The following FBXO45 variants were observed in gnomAD, a reference collection of about 807,000 sequenced individuals.
The protein encoded by FBXO45 is F-box/SPRY domain-containing protein 1.
In FBXO45, 3 loss-of-function variants were observed where a neutral mutation model predicts 25.5. The observed-to-expected ratio is 0.12, with a 90% CI of 0.05 to 0.30. FBXO45 has a LOEUF of 0.30. Among genes scored for constraint, FBXO45 ranks in the 10% least tolerant of loss-of-function variants. The pLI is 1.00. For synonymous variants in FBXO45, 155 were observed against 149.8 expected (o/e 1.03, Z -0.25); for missense variants, 219 against 365.0 (o/e 0.60, Z 3.26).
At position 196,588,598 on chromosome 3, in the gene FBXO45, G is replaced by A. The variant is rs1736179739; in HGVS notation, c.*4280G>A. The A allele has an allele frequency of 1.3e-5, 2 of 152,232 alleles. No homozygotes were observed. The highest frequency in any genetic ancestry group is 1.9e-4 in the East Asian group (1 of 5,192). The allele number at this position is 152,232 out of a possible 1,614,324, so 9.4% of individuals were successfully genotyped here. ...TATATATCTATAGTTGACTCATGCTGTATTTATTTATACCTTGTTTAAAAT... is the reference window on the plus strand; with the variant it reads ...TATATATCTATAGTTGACTCATGCTATATTTATTTATACCTTGTTTAAAAT... On this transcript the variant is annotated 3_prime_UTR_variant, in exon 3 of 3. Coordinates refer to ENST00000311630, the MANE Select transcript of FBXO45 (RefSeq NM_001105573.2). The surrounding 1 kb of genome is among the most constrained non-coding windows in gnomAD (Gnocchi z 4.2).
intron 2 of FBXO45, among the ~76,000 whole-genome samples, chr3:196,578,689 C>G (rs752250428): frequency 3.3e-5 from 5 of 152,154 alleles, no homozygotes; most frequent in Non-Finnish European, 5.9e-5. Flanking sequence ...CCAGTTCATG[C>G]TCTATATCAA....
At chr3:196,573,330 A>G (rs1345209071) in intron 1 of FBXO45, among the ~76,000 whole-genome samples, 1 of 152,198 alleles carries the variant, frequency 6.6e-6, no homozygotes, top group Non-Finnish European at 1.5e-5. Flanking sequence ...TTATAAAGCT[A>G]TATTATGGGA....
At chr3:196,574,116 G>A (rs1292437141) in intron 1 of FBXO45, among the ~76,000 whole-genome samples, 4 of 151,988 alleles carry the variant, frequency 2.6e-5, no homozygotes, top group African/African-American at 9.7e-5. Context: ...TGTATTTTTA[G>A]TAGAGACAGG....
At chr3:196,575,185 G>A (rs189830884) in intron 1 of FBXO45, among the ~76,000 whole-genome samples, 12 of 152,330 alleles carry the variant, frequency 7.9e-5, no homozygotes, top group African/African-American at 1.9e-4. Context: ...GCCGGGCGTG[G>A]TGGCTCACGC....
intron 1 of FBXO45, among the ~76,000 whole-genome samples, chr3:196,575,673 C>T (rs1735900400): frequency 6.8e-6 from 1 of 147,902 alleles, no homozygotes; most frequent in African/African-American, 2.6e-5. Context: ...CCTTTCTTTT[C>T]TTTGTTTCTT....
chr3:196,568,770 AGGACGCCCCTGCAGCC>A lies in FBXO45; in HGVS notation c.-212_-197del, dbSNP rs573191757. 2 of 172,070 alleles carry A rather than the reference AGGACGCCCCTGCAGCC, an allele frequency of 1.2e-5. No individual in the cohort carries two copies. The highest frequency in any genetic ancestry group is 4.8e-5 in the African/African-American group (2 of 41,850). The allele number at this position is 172,070 out of a possible 1,614,324, so 10.7% of individuals were successfully genotyped here. On this transcript the variant is annotated 5_prime_UTR_variant, in exon 1 of 3. Coordinates refer to ENST00000311630, the MANE Select transcript of FBXO45 (RefSeq NM_001105573.2). Reference sequence around the variant, plus strand: ...GCGCTGAGCCGCGGAGGAGGGGCGGAGGACGCCCCTGCAGCCGGTGCGTCTGCCCTCAGTGAGGCGG... The same window carrying A: ...GCGCTGAGCCGCGGAGGAGGGGCGGAGGTGCGTCTGCCCTCAGTGAGGCGG...
chr3:196,580,838 A>G (rs1363721339), intron 2 of FBXO45, among the ~76,000 whole-genome samples: 1 of 147,644 alleles, frequency 6.8e-6, no homozygotes, highest in Non-Finnish European at 1.5e-5. Flanking sequence ...GCAGTGGTGC[A>G]GTGGCGTGAT....
chr3:196,582,031 G>A (rs1736019468), intron 2 of FBXO45, among the ~76,000 whole-genome samples: 1 of 152,080 alleles, frequency 6.6e-6, no homozygotes, highest in South Asian at 2.1e-4. Context: ...CAGATTTTGG[G>A]GTTCATCCTT....
At position 196,585,688 on chromosome 3, in the gene FBXO45, C is replaced by T. The variant is rs1736092979; in HGVS notation, c.*1370C>T. 1 of 152,200 alleles carries T rather than the reference C, an allele frequency of 6.6e-6. No individual in the cohort carries two copies. Among genetic ancestry groups the T allele is most frequent in the Admixed American group, 6.5e-5 (1 of 15,280 alleles). The allele number at this position is 152,200 out of a possible 1,614,324, so 9.4% of individuals were successfully genotyped here. ...ATGCTTTTGAATTAATAATCCAACC[C>T]ACATGAGCTGAGAGTTTTTCTTTTG... is the stretch of plus-strand genomic sequence containing the variant. On this transcript the variant is annotated 3_prime_UTR_variant, in exon 3 of 3. Transcript: ENST00000311630.
chr3:196,583,039 CT>C (rs1157645877), intron 2 of FBXO45, among the ~76,000 whole-genome samples: 2 of 152,258 alleles, frequency 1.3e-5, no homozygotes, highest in South Asian at 2.1e-4. Context: ...CTCCCCACCC[CT>C]GGTAAACTCT....
At position 196,577,586 on chromosome 3, in the gene FBXO45, G is replaced by T; in HGVS notation, c.452G>T (p.Ser151Ile). 6.2e-7 allele frequency: 1 copy of T among 1,614,018 alleles called. No homozygotes were observed. The highest frequency in any genetic ancestry group is 1.1e-5 in the South Asian group (1 of 91,080). ...GGTGCAAGGACCAAGATTGGTTTCA[G>T]TGAGGGCCGCCATGCATGGGAAGTG... ...TDGARTKIGF[S>I]EGRHAWEVWW... Residue 151 changes from serine to isoleucine, a missense_variant, in exon 2 of 3, where the codon AGT (serine) becomes ATT (isoleucine). Transcript: ENST00000311630.
intron 1 of FBXO45, among the ~76,000 whole-genome samples, chr3:196,572,014 TAGA>T (rs1033561478): frequency 6.8e-4 from 103 of 152,218 alleles, no homozygotes; most frequent in Admixed American, 6.7e-3. Context: ...AAAAGTATAC[TAGA>T]AGTTCAGTGA....
chr3:196,584,852 A>G lies in FBXO45; in HGVS notation c.*534A>G, dbSNP rs1291228353. On this transcript the variant is annotated 3_prime_UTR_variant, in exon 3 of 3. Transcript: ENST00000311630. This position sits in a 1 kb window ranked among gnomAD's most constrained non-coding sequence, Gnocchi z 4.3. ...GATATAAAATTGTGCAGCTATTTTA[A>G]AAGTTGTATATAATATGTGTGTAAA... 6.6e-6 allele frequency: 1 copy of G among 151,118 alleles called. No homozygotes were observed. The highest frequency in any genetic ancestry group is 1.5e-5 in the Non-Finnish European group (1 of 67,954). The allele number at this position is 151,118 out of a possible 1,614,324, so 9.4% of individuals were successfully genotyped here.
chr3:196,579,716 T>C (rs891449607), intron 2 of FBXO45, among the ~76,000 whole-genome samples: 1 of 152,246 alleles, frequency 6.6e-6, no homozygotes, highest in Non-Finnish European at 1.5e-5. Flanking sequence ...CCTTCTATTA[T>C]TTACTAAGAG....
rs1736067727 is a variant in FBXO45 at position 196,584,436 on chromosome 3, C to T, written c.*118C>T. 5.7e-6 allele frequency: 5 copies of T among 882,050 alleles called. No homozygotes were observed. Among genetic ancestry groups the T allele is most frequent in the East Asian group, 5.9e-5 (2 of 34,058 alleles). 54.6% of individuals were successfully genotyped at this position (882,050 alleles called of 1,614,324 possible). ...GAAACATCCTGAAAACACATGAAGT[C>T]GTAAACTGGAGAAGCAGCTCTACAG... On this transcript the variant is annotated 3_prime_UTR_variant, in exon 3 of 3. Transcript: ENST00000311630. The surrounding 1 kb of genome is among the most constrained non-coding windows in gnomAD (Gnocchi z 4.3).
chr3:196,579,675 G>A (rs1474067529), intron 2 of FBXO45, among the ~76,000 whole-genome samples: 2 of 152,150 alleles, frequency 1.3e-5, no homozygotes, highest in East Asian at 3.9e-4. Flanking sequence ...TAATGTTCAA[G>A]TCTTACATAG....
chr3:196,578,192 A>G (rs1431052023), intron 2 of FBXO45, among the ~76,000 whole-genome samples: 2 of 151,748 alleles, frequency 1.3e-5, no homozygotes, highest in African/African-American at 4.8e-5. Flanking sequence ...GCCCACCACC[A>G]TGCCTGGCTA....
chr3:196,571,754 AT>A (rs1735830064), intron 1 of FBXO45, among the ~76,000 whole-genome samples: 1 of 152,152 alleles, frequency 6.6e-6, no homozygotes, highest in Admixed American at 6.5e-5. Context: ...TTCCAGAGAT[AT>A]TTTAGGTTTC....
chr3:196,580,404 G>A (rs1735988697), intron 2 of FBXO45, among the ~76,000 whole-genome samples: 1 of 152,026 alleles, frequency 6.6e-6, no homozygotes, highest in East Asian at 1.9e-4. Context: ...TAGAGACGGG[G>A]TTTCACCACG....
Sources: gnomAD v4.1 joint callset for allele counts (sites outside exome capture counted in the v4.1 genomes callset) on GRCh38, gnomAD v4.1.1 for gene constraint, Gnocchi (gnomAD v3.1) non-coding constraint, MANE v1.5 for transcripts, NCBI Gene and HGNC (gene_info 2026-07-23, HGNC 2026-07-21) for gene names.